PMS1: variants seen among roughly 807,000 people sequenced by gnomAD.
PMS1 encodes PMS1 protein homolog 1.
PMS1 carries 79 observed loss-of-function variants against 93.1 expected under a neutral mutation model. That is an observed-to-expected ratio of 0.85 (90% CI 0.71 to 1.02). The LOEUF (loss-of-function observed/expected upper bound fraction) is 1.02, where lower values mean the gene tolerates loss of function less well. Ranked by LOEUF, PMS1 falls within the 50% of genes least tolerant of loss-of-function variation. PMS1 has a pLI of 0.00. For synonymous variants in PMS1, 335 were observed against 363.4 expected (o/e 0.92, Z 0.89); for missense variants, 1,064 against 1,085.3 (o/e 0.98, Z 0.28).
chr2:189,854,380 T>C lies in PMS1; in HGVS notation c.1108T>C (p.Phe370Leu). The change falls in exon 9 of 13, where the codon TTT becomes CTT. Residue 370 changes from phenylalanine (F) to leucine (L), a missense_variant. Phe to Leu is a conservative substitution (Grantham distance 22). Transcript: ENST00000441310. ...LSKTAETDVL[F>L]NKVESSGKNY... ...TAAAACAGCAGAAACAGATGTGCTT[T>C]TTAATAAAGTGGAATCATCTGGAAA... The C allele has an allele frequency of 6.2e-7, 1 of 1,602,034 alleles. No individual in the cohort carries two copies. Among genetic ancestry groups the C allele is most frequent in the Non-Finnish European group, 8.5e-7 (1 of 1,172,928 alleles).
intron 9 of PMS1, among the ~76,000 whole-genome samples, chr2:189,856,747 A>T (rs147753444): frequency 6.6e-6 from 1 of 152,252 alleles, no homozygotes; most frequent in Non-Finnish European, 1.5e-5. Context: ...CAAGCTTATG[A>T]TGGAAACTTA....
chr2:189,819,287 T>C (rs1184453845), intron 5 of PMS1, among the ~76,000 whole-genome samples: 1 of 152,250 alleles, frequency 6.6e-6, no homozygotes, highest in Non-Finnish European at 1.5e-5. Flanking sequence ...CATTTATATG[T>C]TGATGGCACT....
chr2:189,859,925 A>G (rs924653981), intron 9 of PMS1, among the ~76,000 whole-genome samples: 1 of 152,196 alleles, frequency 6.6e-6, no homozygotes, highest in Non-Finnish European at 1.5e-5. Flanking sequence ...ATATACAAAA[A>G]ATTTTCCTTA....
chr2:189,819,488 A>G (rs915012242), intron 5 of PMS1, among the ~76,000 whole-genome samples: 1 of 152,226 alleles, frequency 6.6e-6, no homozygotes, highest in South Asian at 2.1e-4. Flanking sequence ...ACTAATTTAC[A>G]TTCCCATCAG....
intron 4 of PMS1, among the ~76,000 whole-genome samples, chr2:189,814,741 A>C (rs1300662572): frequency 6.6e-6 from 1 of 152,130 alleles, no homozygotes; most frequent in Non-Finnish European, 1.5e-5. Flanking sequence ...AAGAAAGAAA[A>C]CATAGTTCCA....
In PMS1 at chr2:189,818,153, C is replaced by T. The variant is rs73979090; in HGVS notation, c.555C>T (p.Asp185=). The T allele has an allele frequency of 1.7e-5, 27 of 1,601,508 alleles. No individual in the cohort carries two copies. In the African/African-American group the frequency reaches 3.3e-4, roughly 20 times the overall value. Residue 185 remains aspartate, a synonymous_variant, in exon 5 of 13, where the codon GAC becomes GAT. Transcript: ENST00000441310. ...LLMSFGILKP[D]LRIVFVHNKA... Reference sequence around the variant, plus strand: ...TGAGCTTTGGTATCCTTAAACCTGACTTAAGGATTGTCTTTGTACATAACA... The same window carrying T: ...TGAGCTTTGGTATCCTTAAACCTGATTTAAGGATTGTCTTTGTACATAACA...
At chr2:189,876,261 A>G (rs1264815330) in intron 12 of PMS1, among the ~76,000 whole-genome samples, 2 of 152,138 alleles carry the variant, frequency 1.3e-5, no homozygotes, top group African/African-American at 2.4e-5. Context: ...TACAGTAACA[A>G]AGATCTGAAA....
intron 4 of PMS1, chr2:189,806,378 T>C: frequency 3.3e-6 from 1 of 304,744 alleles, no homozygotes; most frequent in South Asian, 3.5e-5. Context: ...TTTTAATTGA[T>C]ATCTTATGTT....
intron 11 of PMS1, among the ~76,000 whole-genome samples, chr2:189,870,289 A>G (rs951439896): frequency 2.0e-5 from 3 of 152,208 alleles, no homozygotes. Flanking sequence ...GGATAAAAAC[A>G]TTTGAAAGAG....
intron 9 of PMS1, among the ~76,000 whole-genome samples, chr2:189,862,453 T>C (rs1219540014): frequency 4.1e-4 from 62 of 152,220 alleles, no homozygotes; most frequent in Admixed American, 4.1e-3. Flanking sequence ...TCTTGACATC[T>C]GGGTCATCTT....
intron 3 of PMS1, among the ~76,000 whole-genome samples, chr2:189,802,715 A>G (rs991491821): frequency 6.6e-6 from 1 of 152,210 alleles, no homozygotes; most frequent in Non-Finnish European, 1.5e-5. Flanking sequence ...ACATACTATA[A>G]AAGGGTCAGG....
rs112928963 is a variant in PMS1 at position 189,837,164 on chromosome 2, G to GTT, written c.583-6788_583-6787dup. On this transcript the variant is annotated intron_variant, in intron 5 of 12. Transcript: ENST00000441310. ...TACACTTTTTGTGAATAAGTTTGGT[G>GTT]TTTTTTTTTTTTTCTTTTTAGGGAG... 6.5e-4 allele frequency among the ~76,000 whole-genome samples: 93 copies of GTT among 143,512 alleles called. 1 individual carries two copies. In the East Asian group the frequency reaches 0.013, roughly 21 times the overall value. The allele number at this position is 143,512 out of a possible 152,430, so 94.1% of individuals were successfully genotyped here.
intron 3 of PMS1, among the ~76,000 whole-genome samples, chr2:189,798,722 AT>A (rs796962677): frequency 0.012 from 1,370 of 114,774 alleles, 25 homozygotes; most frequent in African/African-American, 0.04. Context: ...TCTAGAAGTC[AT>A]TTTTTTTTTT....
At chr2:189,798,708 C>G (rs1431734873) in intron 3 of PMS1, among the ~76,000 whole-genome samples, 1 of 148,574 alleles carries the variant, frequency 6.7e-6, no homozygotes, top group African/African-American at 2.5e-5. Context: ...CTGTCAGTGA[C>G]TACTCTAGAA....
intron 4 of PMS1, among the ~76,000 whole-genome samples, chr2:189,815,035 C>A (rs548061599): frequency 6.7e-6 from 1 of 150,074 alleles, no homozygotes; most frequent in Admixed American, 6.7e-5. Flanking sequence ...GGAGGCGGAG[C>A]TTGCAGTGAG....
At chr2:189,810,621 T>A (rs1173147637) in intron 4 of PMS1, among the ~76,000 whole-genome samples, 3 of 152,152 alleles carry the variant, frequency 2.0e-5, no homozygotes, top group Non-Finnish European at 4.4e-5. Context: ...GAGTAAAAAG[T>A]GATTAAGAAA....
intron 6 of PMS1, among the ~76,000 whole-genome samples, chr2:189,845,056 C>T (rs2054141342): frequency 6.6e-6 from 1 of 152,086 alleles, no homozygotes; most frequent in African/African-American, 2.4e-5. Context: ...CATCATTTCA[C>T]TATGTTGCCC....
chr2:189,827,960 G>A (rs1048603813), intron 5 of PMS1, among the ~76,000 whole-genome samples: 1 of 152,022 alleles, frequency 6.6e-6, no homozygotes, highest in African/African-American at 2.4e-5. Context: ...GTCTTGCTCT[G>A]TCACCCAGGC....
rs539048856 is a variant in PMS1, at chr2:189,848,302, G to C, written c.699+4222G>C. Among the ~76,000 whole-genome samples the C allele has an allele frequency of 5.9e-5, 9 of 152,274 alleles. No individual in the cohort carries two copies. In the South Asian group the frequency reaches 1.9e-3, roughly 32 times the overall value. On this transcript the variant is annotated intron_variant, in intron 6 of 12. Coordinates refer to ENST00000441310, the MANE Select transcript of PMS1 (RefSeq NM_000534.5). ...CTAGCAGTGTTGGCATCACCTGGAA[G>C]CTTATTGAAAATAAAGAATCCTGGG...
Sources: gnomAD v4.1 joint callset for allele counts (sites outside exome capture counted in the v4.1 genomes callset) on GRCh38, gnomAD v4.1.1 for gene constraint, MANE v1.5 for transcripts, NCBI Gene and HGNC (gene_info 2026-07-23, HGNC 2026-07-21) for gene names.